The following RBBP6 variants were observed in gnomAD, a reference collection of about 807,000 sequenced individuals.
The protein encoded by RBBP6 is RB binding protein 6, ubiquitin ligase, also known as E3 ubiquitin-protein ligase RBBP6.
A neutral mutation model predicts 167.7 loss-of-function variants in RBBP6; 25 were observed. The observed-to-expected ratio is 0.15, with a 90% CI of 0.11 to 0.21. RBBP6 has a LOEUF of 0.21. RBBP6 is among the 10% of genes least tolerant of loss of function. RBBP6 has a pLI of 1.00. For missense variants in RBBP6, 1,868 were observed against 2,134.2 expected (o/e 0.88, Z 2.46); for synonymous variants, 789 against 735.8 (o/e 1.07, Z -1.17).
At chr16:24,557,440 A>G (rs1898940390) in intron 7 of RBBP6, among the ~76,000 whole-genome samples, 1 of 152,084 alleles carries the variant, frequency 6.6e-6, no homozygotes, top group East Asian at 1.9e-4. Flanking sequence ...ATTACCTTCA[A>G]CAGTTGTGAT....
chr16:24,547,423 AATT>A (rs941911762), intron 2 of RBBP6, among the ~76,000 whole-genome samples: 4 of 152,134 alleles, frequency 2.6e-5, no homozygotes, highest in Admixed American at 2.0e-4. Flanking sequence ...TGATTCTAAG[AATT>A]ATATATATAT....
rs766689924 is a variant in RBBP6, at chr16:24,561,734, T to C, written c.951+19T>C. 6.2e-7 allele frequency: 1 copy of C among 1,610,698 alleles called. No homozygotes were observed. Among genetic ancestry groups the C allele is most frequent in the Admixed American group, 1.7e-5 (1 of 59,826 alleles). On this transcript the variant is annotated intron_variant, in intron 9 of 17. Coordinates refer to ENST00000319715, the MANE Select transcript of RBBP6 (RefSeq NM_006910.5). ...ACGACAGGTAACTGTCTGTATCCAT[T>C]TTATGAAAAAATTCTTTTTAACTGA... is the stretch of plus-strand genomic sequence containing the variant.
chr16:24,553,257 A>G (rs923217733), intron 3 of RBBP6: 3 of 386,050 alleles, frequency 7.8e-6, no homozygotes, highest in African/African-American at 6.0e-5. Context: ...CACTCTGAAC[A>G]GATTTTCTGT....
chr16:24,545,184 G>T (rs988735490), intron 1 of RBBP6, among the ~76,000 whole-genome samples: 1 of 152,050 alleles, frequency 6.6e-6, no homozygotes, highest in Non-Finnish European at 1.5e-5. Context: ...CCATTCTCCT[G>T]CCTCAGCCTC....
Position 24,572,184 on chromosome 16 carries a change from T to G in RBBP6, c.5118T>G (p.Pro1706=). Residue 1706 remains proline, a synonymous_variant, in exon 18 of 18, where the codon CCT becomes CCG. Transcript: ENST00000319715. ...PSVSPSRSHS[P]SGSQTRSHSS... ...TCAGCCCCAGCAGAAGCCACAGTCC[T>G]TCTGGAAGCCAGACCCGAAGCCACA... 1 of 1,613,920 alleles carries G rather than the reference T, an allele frequency of 6.2e-7. No homozygotes were observed. The highest frequency in any genetic ancestry group is 2.2e-5 in the East Asian group (1 of 44,862).
rs1007451085 is a variant in RBBP6, at chr16:24,546,207, A to G, written c.211A>G (p.Ile71Val). The change falls in exon 2 of 18, where the codon ATT becomes GTT. Residue 71 changes from isoleucine to valine, a missense_variant. Ile to Val is a conservative substitution (Grantham distance 29). This residue lies in a region of RBBP6 where 184 missense variants were observed against 327.7 expected (regional missense o/e 0.56). Coordinates refer to ENST00000319715, the MANE Select transcript of RBBP6 (RefSeq NM_006910.5). ...NALIPKNSSV[I>V]VRRIPIGGVK... is the part of the protein sequence containing the mutation. ...TCTGATTCCTAAGAATTCTTCTGTA[A>G]TTGTTAGAAGAATTCCTATTGGAGG... 5 of 1,592,210 alleles carry G rather than the reference A, an allele frequency of 3.1e-6. No homozygotes were observed. The highest frequency in any genetic ancestry group is 1.4e-5 in the African/African-American group (1 of 73,492).
chr16:24,555,487 G>A (rs1457530257), intron 4 of RBBP6, 128 bp from the exon 5 acceptor site: 10 of 718,744 alleles, frequency 1.4e-5, no homozygotes, highest in South Asian at 9.1e-5. Flanking sequence ...CAGGTTATAC[G>A]TGTAAATAGC....
chr16:24,559,323 T>C (rs996470278), intron 7 of RBBP6, among the ~76,000 whole-genome samples, 182 bp from the exon 8 acceptor site: 1 of 152,206 alleles, frequency 6.6e-6, no homozygotes, highest in East Asian at 1.9e-4. Context: ...GTTTAGACTT[T>C]TGTGTCTTTG....
In RBBP6 at chr16:24,540,391, T is replaced by G. The variant is rs1192141865; in HGVS notation, c.-236T>G. On this transcript the variant is annotated 5_prime_UTR_variant, in exon 1 of 18. Coordinates refer to ENST00000319715, the MANE Select transcript of RBBP6 (RefSeq NM_006910.5). ...TTGGCGGATTCTCGATTTCCCCTCT[T>G]CCCCGTCCTCGTCCTCCTCCTCCCC... The G allele has an allele frequency of 2.4e-6, 1 of 412,820 alleles. No individual in the cohort carries two copies. The highest frequency in any genetic ancestry group is 4.1e-5 in the East Asian group (1 of 24,310). The allele number at this position is 412,820 out of a possible 1,614,324, so 25.6% of individuals were successfully genotyped here.
intron 7 of RBBP6, among the ~76,000 whole-genome samples, chr16:24,557,194 G>A (rs1210438546): frequency 6.6e-6 from 1 of 151,870 alleles, no homozygotes; most frequent in Non-Finnish European, 1.5e-5. Flanking sequence ...TAGAGACGGA[G>A]TTTCACCGTG....
In RBBP6 at chr16:24,569,281, G is replaced by C. The variant is rs1232691308; in HGVS notation, c.2591G>C (p.Arg864Thr). The change falls in exon 17 of 18, where the codon AGA becomes ACA. Residue 864 changes from arginine (R) to threonine (T), a missense_variant. Around this residue, in one of 7 missense-constraint regions of RBBP6, gnomAD observed 673 missense variants for 691.5 expected, o/e 0.97. Coordinates refer to ENST00000319715, the MANE Select transcript of RBBP6 (RefSeq NM_006910.5). ...SANRENFSPE[R>T]FLPLNIRNSP... is the part of the protein sequence containing the mutation. The stretch of plus-strand genomic sequence containing the variant: ...AATAGAGAGAACTTTTCTCCAGAGA[G>C]ATTTTTGCCACTTAACATCAGGAAT... 1 of 1,612,356 alleles carries C rather than the reference G, an allele frequency of 6.2e-7. No individual in the cohort carries two copies. The highest frequency in any genetic ancestry group is 1.7e-5 in the Admixed American group (1 of 59,458).
chr16:24,559,865 G>A (rs1356084576), intron 8 of RBBP6, 188 bp downstream of exon 8: 2 of 415,640 alleles, frequency 4.8e-6, no homozygotes, highest in African/African-American at 4.1e-5. Flanking sequence ...TAACCTGTTT[G>A]TCCTTTTAAA....
At chr16:24,557,103 A>C (rs1441890776) in intron 7 of RBBP6, among the ~76,000 whole-genome samples, 3 of 144,406 alleles carry the variant, frequency 2.1e-5, no homozygotes, top group African/African-American at 5.2e-5. Flanking sequence ...GGTTCACACC[A>C]TTTTCCTGCC....
Position 24,569,868 on chromosome 16 carries a change from A to G in RBBP6, c.3178A>G (p.Lys1060Glu). The change falls in exon 17 of 18, where the codon AAA becomes GAA. Residue 1060 changes from lysine (K) to glutamate (E), a missense_variant. Lys to Glu is a moderately conservative substitution (Grantham distance 56). This residue lies in a region of RBBP6 where 673 missense variants were observed against 691.5 expected (regional missense o/e 0.97). Coordinates refer to ENST00000319715, the MANE Select transcript of RBBP6 (RefSeq NM_006910.5). ...ATCTCCTCGATCTGAACCTCCAATT[A>G]AAAAAGCCAAAGAGGAGACTCCGAA... ...ERSPRSEPPI[K>E]KAKEETPKTD... 6.2e-7 allele frequency: 1 copy of G among 1,610,500 alleles called. No individual in the cohort carries two copies. The highest frequency in any genetic ancestry group is 8.5e-7 in the Non-Finnish European group (1 of 1,179,236).
At chr16:24,545,307 C>G (rs373497987) in intron 1 of RBBP6, among the ~76,000 whole-genome samples, 3 of 152,098 alleles carry the variant, frequency 2.0e-5, no homozygotes, top group African/African-American at 4.8e-5. Context: ...CTCCTGACCT[C>G]GTGATCCGCC....
In RBBP6 at chr16:24,569,168, C is replaced by G; in HGVS notation, c.2478C>G (p.Arg826=). The G allele has an allele frequency of 4.3e-6, 7 of 1,612,218 alleles. No homozygotes were observed. Among genetic ancestry groups the G allele is most frequent in the Non-Finnish European group, 5.1e-6 (6 of 1,179,470 alleles). Residue 826 remains arginine (R), a synonymous_variant, in exon 17 of 18, where the codon CGC becomes CGG. Transcript: ENST00000319715. The part of the protein sequence containing the change: ...VDFRDPFEKE[R]YREWERKYRE... ...TTAGAGACCCATTTGAAAAAGAACG[C>G]TACCGAGAATGGGAGAGAAAATATA...
At chr16:24,541,205 C>CAAAAAAAAAAAAAAAAAAAAAAA (rs933107246) in intron 1 of RBBP6, among the ~76,000 whole-genome samples, 3 of 79,266 alleles carry the variant, frequency 3.8e-5, no homozygotes, top group African/African-American at 5.4e-5. Flanking sequence ...AAAAAAAAAC[C>CAAAAAAAAAAAAAAAAAAAAAAA]AAAAAAACAA....
At position 24,569,330 on chromosome 16, in the gene RBBP6, A is replaced by G; in HGVS notation, c.2640A>G (p.Arg880=). 6.2e-7 allele frequency: 1 copy of G among 1,613,620 alleles called. No homozygotes were observed. The highest frequency in any genetic ancestry group is 8.5e-7 in the Non-Finnish European group (1 of 1,179,934). The change falls in exon 17 of 18, where the codon AGA becomes AGG. Residue 880 remains arginine, a synonymous_variant. Coordinates refer to ENST00000319715, the MANE Select transcript of RBBP6 (RefSeq NM_006910.5). ...ATTCTCCCTTCACAAGAGGCCGCAG[A>G]GAAGACTATGTTGGTGGGCAAAGTC... ...IRNSPFTRGR[R]EDYVGGQSHR...
Position 24,563,313 on chromosome 16 carries a change from T to G in RBBP6, c.1386+18T>G. On this transcript the variant is annotated intron_variant, in intron 11 of 17. Transcript: ENST00000319715. ...AAGAGAAGGTAAATTTTACTGGTGC[T>G]TTAATTTGGGATTTTTTTTACAGCA... 1 of 1,588,294 alleles carries G rather than the reference T, an allele frequency of 6.3e-7. No individual in the cohort carries two copies. The highest frequency in any genetic ancestry group is 8.6e-7 in the Non-Finnish European group (1 of 1,166,748).
Sources: gnomAD v4.1 joint callset for allele counts (sites outside exome capture counted in the v4.1 genomes callset) on GRCh38, gnomAD v4.1.1 for gene constraint, gnomAD v4.1.1 regional missense constraint, MANE v1.5 for transcripts, NCBI Gene and HGNC (gene_info 2026-07-23, HGNC 2026-07-21) for gene names.